Variants in XYLT1 observed in about 807,000 individuals in gnomAD.
XYLT1 encodes xylosyltransferase 1, also known as beta-D-xylosyltransferase 1.
XYLT1 carries 36 observed loss-of-function variants against 91.3 expected under a neutral mutation model. That is an observed-to-expected ratio of 0.39 (90% CI 0.30 to 0.52). The LOEUF (loss-of-function observed/expected upper bound fraction) is 0.52, where lower values mean the gene tolerates loss of function less well. Ranked by LOEUF, XYLT1 falls within the 20% of genes least tolerant of loss-of-function variation. XYLT1 has a pLI of 0.68. For synonymous variants in XYLT1, 588 were observed against 532.0 expected (o/e 1.11, Z -1.45); for missense variants, 1,242 against 1,284.5 (o/e 0.97, Z 0.51).
intron 1 of XYLT1, among the ~76,000 whole-genome samples, chr16:17,364,309 CTATTAATAATTA>C (rs374965460): frequency 6.6e-6 from 1 of 152,282 alleles, no homozygotes; most frequent in East Asian, 1.9e-4. Flanking sequence ...GTAAGGGACA[CTATTAATAATTA>C]TACAAGCTTA....
chr16:17,342,174 C>T (rs1405955114), intron 2 of XYLT1, among the ~76,000 whole-genome samples: 1 of 152,238 alleles, frequency 6.6e-6, no homozygotes, highest in African/African-American at 2.4e-5. Context: ...GTTCTAGCCA[C>T]ACCAGGCTCT....
At chr16:17,168,221 G>A (rs2031744179) in intron 5 of XYLT1, among the ~76,000 whole-genome samples, 1 of 152,190 alleles carries the variant, frequency 6.6e-6, no homozygotes, top group Non-Finnish European at 1.5e-5. Flanking sequence ...ACTGGATAAG[G>A]AAGATGCGGT....
intron 2 of XYLT1, among the ~76,000 whole-genome samples, chr16:17,332,403 A>C (rs1248104917): frequency 1.3e-5 from 2 of 152,084 alleles, no homozygotes; most frequent in East Asian, 3.9e-4. Context: ...CTCTACTAAA[A>C]ATACAAAAAT....
intron 3 of XYLT1, among the ~76,000 whole-genome samples, chr16:17,202,676 ACT>A (rs2032565151): frequency 6.6e-6 from 1 of 151,598 alleles, no homozygotes; most frequent in East Asian, 1.9e-4. Context: ...CACCTCTTTT[ACT>A]CTCTTTCACC....
intron 4 of XYLT1, 66 bp from the exon 5 acceptor site, chr16:17,198,480 C>A: frequency 6.7e-7 from 1 of 1,489,690 alleles, no homozygotes; most frequent in South Asian, 1.3e-5. Context: ...ATGCCCCTCA[C>A]CCCTGTCCCC....
chr16:17,217,842 T>G (rs986743057), intron 3 of XYLT1, among the ~76,000 whole-genome samples: 2 of 151,758 alleles, frequency 1.3e-5, no homozygotes, highest in African/African-American at 4.8e-5. Context: ...ACGGTGAAGC[T>G]GAGCTGTGAA....
intron 3 of XYLT1, among the ~76,000 whole-genome samples, chr16:17,225,177 A>ACACACACACACACTCT (rs150256998): frequency 6.8e-6 from 1 of 147,358 alleles, no homozygotes; most frequent in African/African-American, 2.5e-5. Context: ...ACACACACAC[A>ACACACACACACACTCT]CTCTCTCTCT....
chr16:17,453,263 G>C (rs989565575), intron 1 of XYLT1, among the ~76,000 whole-genome samples: 2 of 152,148 alleles, frequency 1.3e-5, no homozygotes, highest in African/African-American at 4.8e-5. Flanking sequence ...TTTGTTCATC[G>C]CACCAGGCAG....
intron 2 of XYLT1, among the ~76,000 whole-genome samples, chr16:17,304,144 T>G (rs1056034894): frequency 6.6e-6 from 1 of 152,132 alleles, no homozygotes; most frequent in Admixed American, 6.5e-5. Flanking sequence ...AGTCTGTCAG[T>G]TGGTAATAAC....
chr16:17,356,385 G>A (rs111699042), intron 2 of XYLT1, among the ~76,000 whole-genome samples: 5,837 of 152,170 alleles, frequency 0.038, 380 homozygotes, highest in African/African-American at 0.13. Flanking sequence ...TTCCTCCTCA[G>A]AGCTGCACCT....
At chr16:17,113,786 A>G (rs1966846923) in intron 11 of XYLT1, among the ~76,000 whole-genome samples, 1 of 152,248 alleles carries the variant, frequency 6.6e-6, no homozygotes. Flanking sequence ...TGGGTAACCA[A>G]TGAAGTCTTC....
chr16:17,256,908 T>C (rs1423395436), intron 3 of XYLT1, among the ~76,000 whole-genome samples: 1 of 152,192 alleles, frequency 6.6e-6, no homozygotes, highest in Non-Finnish European at 1.5e-5. Context: ...GCCTTGACAT[T>C]GAGCAGCACC....
intron 2 of XYLT1, among the ~76,000 whole-genome samples, chr16:17,340,406 G>C (rs2035049468): frequency 6.6e-6 from 1 of 152,244 alleles, no homozygotes; most frequent in African/African-American, 2.4e-5. Flanking sequence ...ACATGGGCTG[G>C]GGCCCCAAGC....
At chr16:17,269,804 A>T (rs2141771025) in intron 2 of XYLT1, among the ~76,000 whole-genome samples, 1 of 147,454 alleles carries the variant, frequency 6.8e-6, no homozygotes, top group Admixed American at 6.8e-5. Flanking sequence ...TATTATTATT[A>T]TTATTATTAT....
At chr16:17,170,016 G>A (rs958911158) in intron 5 of XYLT1, among the ~76,000 whole-genome samples, 11 of 152,268 alleles carry the variant, frequency 7.2e-5, no homozygotes, top group South Asian at 2.1e-4. Flanking sequence ...CTTTCTTGCC[G>A]TTTGATTTTT....
intron 10 of XYLT1, 114 bp downstream of exon 10, chr16:17,127,552 G>T: frequency 7.9e-7 from 1 of 1,262,984 alleles, no homozygotes; most frequent in Non-Finnish European, 1.1e-6. Context: ...TATCTTTAGG[G>T]ATCTCCAAGT....
intron 5 of XYLT1, among the ~76,000 whole-genome samples, chr16:17,197,143 CTGACTT>C (rs1457421168): frequency 6.6e-6 from 1 of 151,598 alleles, no homozygotes; most frequent in Admixed American, 6.6e-5. Flanking sequence ...AAATTACTCT[CTGACTT>C]TATCTCTCTT....
At chr16:17,274,065 C>T (rs145622712) in intron 2 of XYLT1, among the ~76,000 whole-genome samples, 1 of 151,820 alleles carries the variant, frequency 6.6e-6, no homozygotes, top group Non-Finnish European at 1.5e-5. Context: ...GTGCACGTCA[C>T]CATGCCTGGC....
intron 2 of XYLT1, among the ~76,000 whole-genome samples, chr16:17,342,921 T>G (rs1055546427): frequency 6.6e-6 from 1 of 152,156 alleles, no homozygotes; most frequent in Non-Finnish European, 1.5e-5. Flanking sequence ...ATAATTGCGA[T>G]GATGAAAAGC....
Sources: allele counts gnomAD v4.1 joint callset (sites outside exome capture counted in the v4.1 genomes callset), GRCh38; gene constraint gnomAD v4.1.1; transcripts MANE v1.5; gene names NCBI Gene and HGNC (gene_info 2026-07-23, HGNC 2026-07-21).